The following ZNF516 variants were observed in gnomAD, a reference collection of about 807,000 sequenced individuals.
ZNF516 encodes the protein zinc finger protein 516.
A neutral mutation model predicts 79.7 loss-of-function variants in ZNF516; 19 were observed. The observed-to-expected ratio is 0.24, with a 90% CI of 0.17 to 0.35. The LOEUF (loss-of-function observed/expected upper bound fraction) is 0.35. Ranked by LOEUF, ZNF516 falls within the 10% of genes least tolerant of loss-of-function variation. The pLI is 1.00. For synonymous variants in ZNF516, 877 were observed against 739.5 expected (o/e 1.19, Z -3.02); for missense variants, 1,678 against 1,679.5 (o/e 1.00, Z 0.02).
At chr18:76,412,139 C>A (rs1351157276) in intron 3 of ZNF516, among the ~76,000 whole-genome samples, 1 of 152,142 alleles carries the variant, frequency 6.6e-6, no homozygotes, top group African/African-American at 2.4e-5. Context: ...AGCTGAATGT[C>A]AAAAACTATT....
At chr18:76,492,854 C>T in intron 1 of ZNF516, 1 of 985,754 alleles carries the variant, frequency 1.0e-6, no homozygotes, top group Non-Finnish European at 1.2e-6. Context: ...CCCATGTAGC[C>T]GAACTGACTC....
chr18:76,409,759 G>T (rs1239657748), intron 3 of ZNF516, among the ~76,000 whole-genome samples: 4 of 152,184 alleles, frequency 2.6e-5, no homozygotes, highest in Non-Finnish European at 4.4e-5. Context: ...CTGCCTTGCA[G>T]CTAGGCTTTG....
chr18:76,477,577 A>C (rs2145761945), intron 1 of ZNF516, among the ~76,000 whole-genome samples: 1 of 152,314 alleles, frequency 6.6e-6, no homozygotes, highest in Non-Finnish European at 1.5e-5. Context: ...TCTTTGTGGC[A>C]CTTTTAAATA....
rs192860289 is a variant in ZNF516 at position 76,359,988 on chromosome 18, G to A, written c.*2510C>T. 3 of 152,382 alleles carry A rather than the reference G, an allele frequency of 2.0e-5. No homozygotes were observed. The highest frequency in any genetic ancestry group is 2.1e-4 in the South Asian group (1 of 4,820). The allele number at this position is 152,382 out of a possible 1,614,324, so 9.4% of individuals were successfully genotyped here. A position where few individuals can be genotyped will look rare whatever the true frequency, so the allele number is the denominator to read the frequency against. On this transcript the variant is annotated 3_prime_UTR_variant, in exon 7 of 7. Coordinates refer to ENST00000443185, the MANE Select transcript of ZNF516 (RefSeq NM_014643.4). The stretch of plus-strand genomic sequence containing the variant: ...AGGCCTGCCCACAGCTGGCCTCAAG[G>A]GATGGCGTTCTTGGGGGGGCTCCCC...
intron 4 of ZNF516, among the ~76,000 whole-genome samples, chr18:76,373,763 A>G (rs1599139271): frequency 1.3e-5 from 2 of 152,280 alleles, no homozygotes; most frequent in Non-Finnish European, 2.9e-5. Context: ...GCACACACAC[A>G]TATGAGTTTC....
rs1214745471 is a variant in ZNF516 at position 76,358,761 on chromosome 18, G to C, written c.*3737C>G. The C allele has an allele frequency of 2.0e-5, 3 of 152,370 alleles. No homozygotes were observed. The highest frequency in any genetic ancestry group is 2.9e-5 in the Non-Finnish European group (2 of 68,064). 9.4% of individuals were successfully genotyped at this position (152,370 alleles called of 1,614,324 possible). Reference sequence around the variant, plus strand: ...CTCTGAGAATTTGCTGGGGGTGGCAGAGGAGGGTTTGTCTAGTTTGAAGGA... The same window carrying C: ...CTCTGAGAATTTGCTGGGGGTGGCACAGGAGGGTTTGTCTAGTTTGAAGGA... On this transcript the variant is annotated 3_prime_UTR_variant, in exon 7 of 7. Coordinates refer to ENST00000443185, the MANE Select transcript of ZNF516 (RefSeq NM_014643.4).
Position 76,458,818 on chromosome 18 carries a change from CGTGTGCGTGCCTCACCGTTGTGT to C in ZNF516, c.-158+4187_-158+4209del, listed in dbSNP as rs1482188280. Among the ~76,000 whole-genome samples the C allele has an allele frequency of 1.1e-4, 15 of 139,508 alleles. No homozygotes were observed. The East Asian group carries it at 2.8e-3, about 26-fold the overall frequency. 91.5% of individuals were successfully genotyped at this position (139,508 alleles called of 152,430 possible). On this transcript the variant is annotated intron_variant, in intron 2 of 6. Transcript: ENST00000443185. Reference sequence around the variant, plus strand: ...TGCGTGTGCGTGCCTCACCGTCGTGCGTGTGCGTGCCTCACCGTTGTGTGTGTGCATGCCTGTAGGCAATGCCA... The same window carrying C: ...TGCGTGTGCGTGCCTCACCGTCGTGCGTGTGCATGCCTGTAGGCAATGCCA...
intron 3 of ZNF516, among the ~76,000 whole-genome samples, chr18:76,428,004 G>A (rs2075617057): frequency 6.6e-6 from 1 of 152,136 alleles, no homozygotes. Context: ...TAAGCTTTTG[G>A]TGGACATGAG....
intron 1 of ZNF516, among the ~76,000 whole-genome samples, chr18:76,466,192 G>A (rs1045288756): frequency 3.3e-5 from 5 of 152,028 alleles, no homozygotes; most frequent in African/African-American, 4.8e-5. Context: ...TTTGATTTAC[G>A]ACACTAATTA....
At chr18:76,491,452 C>A (rs1307787172) in intron 1 of ZNF516, among the ~76,000 whole-genome samples, 1 of 142,284 alleles carries the variant, frequency 7.0e-6, no homozygotes, top group East Asian at 2.2e-4. Context: ...CAGACCCCCG[C>A]CTTTGTTATG....
At chr18:76,484,480 T>C (rs564448279) in intron 1 of ZNF516, among the ~76,000 whole-genome samples, 8 of 152,284 alleles carry the variant, frequency 5.3e-5, no homozygotes, top group African/African-American at 1.9e-4. Context: ...AACACCGTGC[T>C]CTAAAATGGC....
chr18:76,487,328 C>T (rs1402309055), intron 1 of ZNF516, among the ~76,000 whole-genome samples: 2 of 152,166 alleles, frequency 1.3e-5, no homozygotes, highest in African/African-American at 4.8e-5. Flanking sequence ...GTTGCAACTG[C>T]TGGTTTTTAC....
intron 4 of ZNF516, among the ~76,000 whole-genome samples, chr18:76,377,408 G>A (rs905440663): frequency 3.9e-5 from 6 of 152,272 alleles, no homozygotes; most frequent in African/African-American, 1.4e-4. Flanking sequence ...TCTGTAAGAG[G>A]GGCAGCAGGC....
At chr18:76,492,382 A>C in intron 1 of ZNF516, 1 of 984,560 alleles carries the variant, frequency 1.0e-6, no homozygotes, top group Non-Finnish European at 1.2e-6. Flanking sequence ...TGTGCCCGTG[A>C]ATACGCCCAT....
At chr18:76,481,338 A>C (rs899377878) in intron 1 of ZNF516, among the ~76,000 whole-genome samples, 1 of 152,246 alleles carries the variant, frequency 6.6e-6, no homozygotes, top group Admixed American at 6.5e-5. Flanking sequence ...CCAAAGAGGC[A>C]GACAGCCTGT....
At chr18:76,417,507 G>C (rs1176781655) in intron 3 of ZNF516, among the ~76,000 whole-genome samples, 1 of 152,064 alleles carries the variant, frequency 6.6e-6, no homozygotes, top group African/African-American at 2.4e-5. Flanking sequence ...TATTTAAATA[G>C]GTATATAATC....
chr18:76,412,211 G>A (rs991265348), intron 3 of ZNF516, among the ~76,000 whole-genome samples: 1 of 152,326 alleles, frequency 6.6e-6, no homozygotes, highest in African/African-American at 2.4e-5. Flanking sequence ...CTAAGTCCGG[G>A]ACCAAGACCA....
intron 3 of ZNF516, among the ~76,000 whole-genome samples, chr18:76,423,967 G>T (rs544629614): frequency 7.2e-6 from 1 of 139,564 alleles, no homozygotes; most frequent in South Asian, 2.3e-4. Context: ...ACACGCAGGT[G>T]AAAAGGCTCC....
chr18:76,490,283 T>C, intron 1 of ZNF516: 7 of 801,860 alleles, frequency 8.7e-6, no homozygotes, highest in Non-Finnish European at 1.1e-5. Flanking sequence ...TCTCCAATTT[T>C]ACTAAGGGGG....
Sources: gnomAD v4.1 joint callset for allele counts (sites outside exome capture counted in the v4.1 genomes callset) on GRCh38, gnomAD v4.1.1 for gene constraint, MANE v1.5 for transcripts, NCBI Gene and HGNC (gene_info 2026-07-23, HGNC 2026-07-21) for gene names.